Variants in MAP4K3 observed in about 807,000 individuals in gnomAD.
MAP4K3 encodes MAPK/ERK kinase kinase kinase 3.
MAP4K3 carries 94 observed loss-of-function variants against 143.5 expected under a neutral mutation model. The ratio of observed to expected loss-of-function variants is 0.65; its 90% CI spans 0.55 to 0.78. MAP4K3 has a LOEUF of 0.78. Among genes scored for constraint, MAP4K3 ranks in the 30% least tolerant of loss-of-function variants. MAP4K3 has a pLI of 0.00. For missense variants in MAP4K3, 1,077 were observed against 1,068.1 expected, an observed-to-expected ratio of 1.01 and a Z score of -0.12; for synonymous variants, 416 against 347.2, an observed-to-expected ratio of 1.20 and a Z score of -2.20.
At chr2:39,370,632 C>T (rs1262704286) in intron 2 of MAP4K3, among the ~76,000 whole-genome samples, 4 of 152,174 alleles carry the variant, frequency 2.6e-5, no homozygotes, top group Non-Finnish European at 5.9e-5. Context: ...CAATTTAACG[C>T]ATGTTGCTCT....
intron 2 of MAP4K3, among the ~76,000 whole-genome samples, chr2:39,365,477 G>A (rs912282183): frequency 2.7e-4 from 34 of 123,658 alleles, no homozygotes; most frequent in Non-Finnish European, 4.6e-4. Flanking sequence ...TCGCTCTGTC[G>A]CCCAGGCCGG....
chr2:39,367,320 C>T (rs1335915394), intron 2 of MAP4K3, among the ~76,000 whole-genome samples: 1 of 152,048 alleles, frequency 6.6e-6, no homozygotes, highest in Non-Finnish European at 1.5e-5. Flanking sequence ...GGCAGGTGGA[C>T]TGCTTCAGCC....
At chr2:39,406,644 T>C (rs2148613479) in intron 1 of MAP4K3, among the ~76,000 whole-genome samples, 1 of 152,186 alleles carries the variant, frequency 6.6e-6, no homozygotes, top group South Asian at 2.1e-4. Flanking sequence ...CCCTCAGACA[T>C]GAAGTAGAAA....
intron 15 of MAP4K3, among the ~76,000 whole-genome samples, chr2:39,302,148 AGGCTC>A (rs1682538941): frequency 6.6e-6 from 1 of 152,210 alleles, no homozygotes; most frequent in South Asian, 2.1e-4. Context: ...AATTGAGCAT[AGGCTC>A]ATATAGAGAA....
chr2:39,315,316 T>C lies in MAP4K3; in HGVS notation c.991A>G (p.Ile331Val). The change falls in exon 13 of 34, where the codon ATA (isoleucine) becomes GTA (valine). Residue 331 changes from isoleucine to valine, a missense_variant. Ile to Val is a conservative substitution (Grantham distance 29, BLOSUM62 3). This residue lies in a region of MAP4K3 where 864 missense variants were observed against 801.2 expected (regional missense o/e 1.08). Coordinates refer to ENST00000263881, the MANE Select transcript of MAP4K3 (RefSeq NM_003618.4). Reference protein sequence around the residue: ...NVREEKTRSEITFGQVKFDPP... With the variant: ...NVREEKTRSEVTFGQVKFDPP... ...GTGTATAGTATATACTTACAGGTTA[T>C]CTCTGAGCGTGTTTTTTCTTCTCTC... The C allele has an allele frequency of 6.3e-7, 1 of 1,597,130 alleles. No individual in the cohort carries two copies. Among genetic ancestry groups the C allele is most frequent in the Non-Finnish European group, 8.6e-7 (1 of 1,165,200 alleles).
intron 1 of MAP4K3, among the ~76,000 whole-genome samples, chr2:39,405,759 G>A (rs183222558): frequency 6.6e-6 from 1 of 152,028 alleles, no homozygotes; most frequent in African/African-American, 2.4e-5. Context: ...TCCCATCTAC[G>A]TGGGAGGCTG....
At chr2:39,333,017 T>C (rs1163240015) in intron 7 of MAP4K3, among the ~76,000 whole-genome samples, 1 of 152,134 alleles carries the variant, frequency 6.6e-6, no homozygotes, top group African/African-American at 2.4e-5. Flanking sequence ...TAAGTCATTA[T>C]TTAGGTTTTG....
chr2:39,322,231 T>C (rs1683332324), intron 12 of MAP4K3, among the ~76,000 whole-genome samples: 1 of 152,062 alleles, frequency 6.6e-6, no homozygotes, highest in Non-Finnish European at 1.5e-5. Context: ...TAATATACAG[T>C]AGCAAAACCA....
At chr2:39,425,729 T>C (rs1227310558) in intron 1 of MAP4K3, among the ~76,000 whole-genome samples, 2 of 152,076 alleles carry the variant, frequency 1.3e-5, no homozygotes, top group Admixed American at 6.6e-5. Flanking sequence ...CTAGCTAAGA[T>C]AAAATCCAAC....
At chr2:39,345,096 G>T (rs894141993) in intron 3 of MAP4K3, among the ~76,000 whole-genome samples, 6 of 152,178 alleles carry the variant, frequency 3.9e-5, no homozygotes, top group African/African-American at 1.4e-4. Context: ...TGCTGAGCCA[G>T]GCCCAGTGGC....
At chr2:39,431,188 A>G (rs1356805023) in intron 1 of MAP4K3, among the ~76,000 whole-genome samples, 8 of 152,194 alleles carry the variant, frequency 5.3e-5, no homozygotes, top group African/African-American at 1.7e-4. Context: ...AGCTAACAAA[A>G]CTTAAAGTTC....
intron 15 of MAP4K3, among the ~76,000 whole-genome samples, chr2:39,304,020 G>A (rs1682604523): frequency 6.6e-6 from 1 of 152,064 alleles, no homozygotes; most frequent in Admixed American, 6.6e-5. Flanking sequence ...TTATGGTTAT[G>A]GGCAAAACTC....
intron 1 of MAP4K3, among the ~76,000 whole-genome samples, chr2:39,410,659 A>G (rs1444229280): frequency 6.6e-6 from 1 of 152,208 alleles, no homozygotes; most frequent in East Asian, 1.9e-4. Flanking sequence ...ATCATTTTTA[A>G]AAAGGTCTTT....
At chr2:39,330,363 C>T (rs1164805184) in intron 8 of MAP4K3, among the ~76,000 whole-genome samples, 3 of 152,016 alleles carry the variant, frequency 2.0e-5, no homozygotes, top group Admixed American at 1.3e-4. Context: ...TAGAATTACC[C>T]ACCAAAATTA....
intron 1 of MAP4K3, among the ~76,000 whole-genome samples, chr2:39,408,141 T>TA (rs1316177060): frequency 1.3e-5 from 2 of 151,672 alleles, no homozygotes; most frequent in Non-Finnish European, 1.5e-5. Flanking sequence ...AAGCAAAAAA[T>TA]AAAAAAAACC....
intron 3 of MAP4K3, among the ~76,000 whole-genome samples, chr2:39,352,245 C>T (rs1665481825): frequency 6.6e-6 from 1 of 152,054 alleles, no homozygotes; most frequent in African/African-American, 2.4e-5. Flanking sequence ...GAGCCAAGGT[C>T]CTGCCACTGC....
chr2:39,261,453 C>T (rs985542891), intron 28 of MAP4K3, among the ~76,000 whole-genome samples: 1 of 152,114 alleles, frequency 6.6e-6, no homozygotes, highest in African/African-American at 2.4e-5. Flanking sequence ...ACTATACATA[C>T]CCACCGAATG....
intron 1 of MAP4K3, among the ~76,000 whole-genome samples, chr2:39,387,737 A>C (rs1320095026): frequency 6.6e-6 from 1 of 152,260 alleles, no homozygotes; most frequent in African/African-American, 2.4e-5. Flanking sequence ...GCAGATCTCC[A>C]AGCTGCCTTG....
intron 1 of MAP4K3, among the ~76,000 whole-genome samples, chr2:39,404,115 G>A (rs1250198872): frequency 2.0e-5 from 3 of 152,012 alleles, no homozygotes; most frequent in Non-Finnish European, 4.4e-5. Flanking sequence ...GTGAAACTCT[G>A]ACATGTGCTG....
Sources: gnomAD v4.1 joint callset for allele counts (sites outside exome capture counted in the v4.1 genomes callset) on GRCh38, gnomAD v4.1.1 for gene constraint, gnomAD v4.1.1 regional missense constraint, MANE v1.5 for transcripts, NCBI Gene and HGNC (gene_info 2026-07-23, HGNC 2026-07-21) for gene names.